Variants in DLGAP1 observed in about 807,000 individuals in gnomAD.
DLGAP1 encodes the protein disks large-associated protein 1.
A neutral mutation model predicts 90.8 loss-of-function variants in DLGAP1; 11 were observed. That is an observed-to-expected ratio of 0.12 (90% confidence interval 0.08 to 0.20). The LOEUF is 0.20. DLGAP1 is among the 10% of genes least tolerant of loss of function. DLGAP1 has a pLI of 1.00. For missense variants in DLGAP1, 1,050 were observed against 1,333.8 expected, an observed-to-expected ratio of 0.79 and a Z score of 3.31; for synonymous variants, 558 against 540.7, an observed-to-expected ratio of 1.03 and a Z score of -0.44.
intron 3 of DLGAP1, among the ~76,000 whole-genome samples, chr18:3,899,624 G>A (rs1324213481): frequency 6.6e-6 from 1 of 152,148 alleles, no homozygotes; most frequent in Non-Finnish European, 1.5e-5. Context: ...TTCAGAAAAT[G>A]TCCTTCCCAT....
intron 10 of DLGAP1, among the ~76,000 whole-genome samples, chr18:3,523,182 G>A (rs1002523429): frequency 6.6e-6 from 1 of 151,712 alleles, no homozygotes; most frequent in African/African-American, 2.4e-5. Context: ...AGACCAGCCT[G>A]GCCAACATGG....
At chr18:4,278,782 TTGA>T (rs2079479789) in intron 1 of DLGAP1, among the ~76,000 whole-genome samples, 1 of 150,632 alleles carries the variant, frequency 6.6e-6, no homozygotes, top group South Asian at 2.1e-4. Flanking sequence ...TAATCATCTG[TTGA>T]TGGACACTTA....
intron 4 of DLGAP1, among the ~76,000 whole-genome samples, chr18:3,856,186 A>G (rs906154753): frequency 1.3e-5 from 2 of 152,210 alleles, no homozygotes; most frequent in African/African-American, 4.8e-5. Context: ...AGTTTGTAAC[A>G]GTAAGGGATT....
rs115882657 is a variant in DLGAP1 at position 3,547,508 on chromosome 18, G to C, written c.2058-12893C>G. 6.6e-3 allele frequency among the ~76,000 whole-genome samples: 1,000 copies of C among 151,694 alleles called. 14 individuals carry two copies. The highest frequency in any genetic ancestry group is 0.023 in the African/African-American group (969 of 41,356). On this transcript the variant is annotated intron_variant, in intron 9 of 12. Coordinates refer to ENST00000315677, the MANE Select transcript of DLGAP1 (RefSeq NM_004746.4). ...AGATAAAAATGGCCAATAGAGACAT[G>C]AAAAGACAATCAACATCATTAGTCA...
chr18:4,423,302 G>A (rs1329524118), intron 1 of DLGAP1, among the ~76,000 whole-genome samples: 1 of 152,144 alleles, frequency 6.6e-6, no homozygotes, highest in Non-Finnish European at 1.5e-5. Context: ...AAATTGTGCA[G>A]TGCTCACAGG....
chr18:3,800,551 G>T (rs1408157213), intron 5 of DLGAP1, among the ~76,000 whole-genome samples: 2 of 152,146 alleles, frequency 1.3e-5, no homozygotes, highest in Admixed American at 6.5e-5. Flanking sequence ...TATGTATAAA[G>T]AAAGTTTAGA....
chr18:3,497,941 T>A lies in DLGAP1; in HGVS notation c.*1244A>T, dbSNP rs1213644552. 6.6e-6 allele frequency: 1 copy of A among 152,232 alleles called. No homozygotes were observed. Among genetic ancestry groups the A allele is most frequent in the East Asian group, 1.9e-4 (1 of 5,196 alleles). 9.4% of individuals were successfully genotyped at this position (152,232 alleles called of 1,614,324 possible). A position where few individuals can be genotyped will look rare whatever the true frequency, so the allele number is the denominator to read the frequency against. ...AGATGACAGCGGCAGCTCTTTTGAA[T>A]GAGGCAGCATGTCTATTGGGGCAAA... On this transcript the variant is annotated 3_prime_UTR_variant, in exon 13 of 13. Coordinates refer to ENST00000315677, the MANE Select transcript of DLGAP1 (RefSeq NM_004746.4).
intron 3 of DLGAP1, among the ~76,000 whole-genome samples, chr18:3,912,256 G>C (rs778225346): frequency 1.3e-5 from 2 of 152,184 alleles, no homozygotes; most frequent in Admixed American, 6.5e-5. Flanking sequence ...TTTTAGGTGA[G>C]ACAATGTCAA....
chr18:4,301,226 A>G (rs151090173), intron 1 of DLGAP1, among the ~76,000 whole-genome samples: 1 of 152,240 alleles, frequency 6.6e-6, no homozygotes, highest in East Asian at 1.9e-4. Context: ...CTCAAAAGAA[A>G]AACAACAACT....
chr18:4,058,784 C>T lies in DLGAP1; in HGVS notation c.-158-53583G>A, dbSNP rs559175346. The stretch of plus-strand genomic sequence containing the variant: ...CAATATGCCTTGAGACCTTCAAGGT[C>T]TTATTCAAAGGGAGAGGAGTCTAGA... On this transcript the variant is annotated intron_variant, in intron 2 of 12. Coordinates refer to ENST00000315677, the MANE Select transcript of DLGAP1 (RefSeq NM_004746.4). 4.6e-5 allele frequency among the ~76,000 whole-genome samples: 7 copies of T among 152,302 alleles called. No individual in the cohort carries two copies. The East Asian group carries it at 1.2e-3, about 25-fold the overall frequency.
chr18:4,280,102 C>T (rs1355670591), intron 1 of DLGAP1, among the ~76,000 whole-genome samples: 4 of 151,894 alleles, frequency 2.6e-5, no homozygotes, highest in Non-Finnish European at 5.9e-5. Context: ...CTGTTGGTTG[C>T]TATTTAGCTT....
At chr18:4,377,536 G>A (rs2082038932) in intron 1 of DLGAP1, among the ~76,000 whole-genome samples, 1 of 152,070 alleles carries the variant, frequency 6.6e-6, no homozygotes, top group Non-Finnish European at 1.5e-5. Context: ...GGATAAACAA[G>A]TTTTATTGAA....
intron 7 of DLGAP1, among the ~76,000 whole-genome samples, chr18:3,625,313 G>A (rs1468009467): frequency 2.0e-5 from 3 of 152,156 alleles, no homozygotes; most frequent in African/African-American, 7.2e-5. Flanking sequence ...CTCCCACCCC[G>A]TGAGAGGTTG....
chr18:4,300,671 T>C (rs2080103094), intron 1 of DLGAP1, among the ~76,000 whole-genome samples: 1 of 151,468 alleles, frequency 6.6e-6, no homozygotes, highest in South Asian at 2.1e-4. Flanking sequence ...TCTGTCTAGA[T>C]GGCACAGTGT....
At chr18:4,204,474 G>A (rs1262251261) in intron 1 of DLGAP1, among the ~76,000 whole-genome samples, 3 of 151,122 alleles carry the variant, frequency 2.0e-5, no homozygotes, top group African/African-American at 7.3e-5. Flanking sequence ...AAGGATGGCT[G>A]TATCTAGCAG....
chr18:4,076,992 C>T (rs11875919), intron 2 of DLGAP1, among the ~76,000 whole-genome samples: 5,198 of 152,124 alleles, frequency 0.034, 333 homozygotes, highest in African/African-American at 0.12. Context: ...TTTGTTACTT[C>T]GCAAGGCTGA....
intron 4 of DLGAP1, among the ~76,000 whole-genome samples, chr18:3,841,665 C>A (rs191379706): frequency 1.3e-5 from 2 of 152,040 alleles, no homozygotes; most frequent in Admixed American, 1.3e-4. Flanking sequence ...AACAACAACA[C>A]GAAGATTAAG....
intron 3 of DLGAP1, among the ~76,000 whole-genome samples, chr18:3,932,560 G>C (rs113743889): frequency 0.027 from 4,061 of 152,280 alleles, 78 homozygotes; most frequent in African/African-American, 0.038. Context: ...GTGGCCAAAG[G>C]GGGTGTGGCT....
chr18:4,351,463 A>G (rs1837333056), intron 1 of DLGAP1, among the ~76,000 whole-genome samples: 1 of 152,222 alleles, frequency 6.6e-6, no homozygotes, highest in Non-Finnish European at 1.5e-5. Flanking sequence ...TACATATGCT[A>G]AAATCTTAGA....
Sources: gnomAD v4.1 joint callset for allele counts (sites outside exome capture counted in the v4.1 genomes callset) on GRCh38, gnomAD v4.1.1 for gene constraint, MANE v1.5 for transcripts, NCBI Gene and HGNC (gene_info 2026-07-23, HGNC 2026-07-21) for gene names.